The following TNF variants were observed in gnomAD, a reference collection of about 807,000 sequenced individuals.
The protein encoded by TNF is APC1 protein.
Under a neutral mutation model 21.8 loss-of-function variants are expected in TNF, and 7 were observed. That is an observed-to-expected ratio of 0.32 (90% CI 0.18 to 0.60). The LOEUF (loss-of-function observed/expected upper bound fraction) is 0.60, where lower values mean the gene tolerates loss of function less well. Among genes scored for constraint, TNF ranks in the 20% least tolerant of loss-of-function variants. The probability of loss-of-function intolerance (pLI) is 0.84; values close to 1 mark genes in which losing one functional copy is unlikely to be tolerated. For missense variants in TNF, 216 were observed against 296.6 expected, an observed-to-expected ratio of 0.73 and a Z score of 2.00; for synonymous variants, 123 against 130.2, an observed-to-expected ratio of 0.94 and a Z score of 0.38.
Position 31,575,988 on chromosome 6 carries a change from A to T in TNF, c.186+61A>T. ...CCAAGGGGAAATGGAGACGCAAGAG[A>T]GGGAGAGAGATGGGATGGGTGAAAG... On this transcript the variant is annotated intron_variant, in intron 1 of 3. Coordinates refer to ENST00000449264, the MANE Select transcript of TNF (RefSeq NM_000594.4). This position sits in a 1 kb window ranked among gnomAD's most constrained non-coding sequence, Gnocchi z 6.2. The T allele has an allele frequency of 7.1e-7, 1 of 1,416,106 alleles. No homozygotes were observed. Among genetic ancestry groups the T allele is most frequent in the Non-Finnish European group, 9.3e-7 (1 of 1,075,182 alleles). The allele number at this position is 1,416,106 out of a possible 1,614,324, so 87.7% of individuals were successfully genotyped here. A position where few individuals can be genotyped will look rare whatever the true frequency, so the allele number is the denominator to read the frequency against.
rs1412562754 is a variant in TNF at position 31,578,013 on chromosome 6, A to G, written c.*476A>G. ...TTGCACTTGTGATTATTTATTATTT[A>G]TTTATTATTTATTTATTTACAGATG... On this transcript the variant is annotated 3_prime_UTR_variant, in exon 4 of 4. Coordinates refer to ENST00000449264, the MANE Select transcript of TNF (RefSeq NM_000594.4). The surrounding 1 kb of genome is among the most constrained non-coding windows in gnomAD (Gnocchi z 6.0). 1 of 152,704 alleles carries G rather than the reference A, an allele frequency of 6.5e-6. No individual in the cohort carries two copies. The highest frequency in any genetic ancestry group is 1.5e-5 in the Non-Finnish European group (1 of 68,472). 9.5% of individuals were successfully genotyped at this position (152,704 alleles called of 1,614,324 possible). A position where few individuals can be genotyped will look rare whatever the true frequency, so the allele number is the denominator to read the frequency against.
Position 31,577,489 on chromosome 6 carries a change from C to T in TNF, c.654C>T (p.Leu218=), listed in dbSNP as rs769084971. The T allele has an allele frequency of 1.4e-5, 23 of 1,613,126 alleles. No homozygotes were observed. The highest frequency in any genetic ancestry group is 1.6e-4 in the Middle Eastern group (1 of 6,062). The change falls in exon 4 of 4, where the codon CTC becomes CTT. Residue 218 remains leucine, a synonymous_variant. Transcript: ENST00000449264. The surrounding 1 kb of genome is among the most constrained non-coding windows in gnomAD (Gnocchi z 7.7). ...CTGAGATCAATCGGCCCGACTATCT[C>T]GACTTTGCCGAGTCTGGGCAGGTCT... The part of the protein sequence containing the change: ...LSAEINRPDY[L]DFAESGQVYF...
Position 31,577,060 on chromosome 6 carries a change from G to A in TNF, c.281-56G>A. 3 of 1,550,704 alleles carry A rather than the reference G, an allele frequency of 1.9e-6. No individual in the cohort carries two copies. The highest frequency in any genetic ancestry group is 1.7e-6 in the Non-Finnish European group (2 of 1,150,020). ...GGCAGAGCTCGAGGGCCAGGATGTG[G>A]AGAGTGAACCGACATGGCCACACTG... On this transcript the variant is annotated intron_variant, in intron 3 of 3. Transcript: ENST00000449264. The surrounding 1 kb of genome is among the most constrained non-coding windows in gnomAD (Gnocchi z 7.7).
In TNF at chr6:31,575,719, C is replaced by A; in HGVS notation, c.-23C>A. 1 of 1,538,412 alleles carries A rather than the reference C, an allele frequency of 6.5e-7. No homozygotes were observed. ...TCACATACTGACCCACGGCTCCACCCTCTCTCCCCTGGAAAGGACACCATG... is the reference window on the plus strand; with the variant it reads ...TCACATACTGACCCACGGCTCCACCATCTCTCCCCTGGAAAGGACACCATG... On this transcript the variant is annotated 5_prime_UTR_variant, in exon 1 of 4. Coordinates refer to ENST00000449264, the MANE Select transcript of TNF (RefSeq NM_000594.4). The surrounding 1 kb of genome is among the most constrained non-coding windows in gnomAD (Gnocchi z 6.2).
Position 31,575,940 on chromosome 6 carries a change from C to T in TNF, c.186+13C>T. On this transcript the variant is annotated intron_variant, in intron 1 of 3. Coordinates refer to ENST00000449264, the MANE Select transcript of TNF (RefSeq NM_000594.4). This position sits in a 1 kb window ranked among gnomAD's most constrained non-coding sequence, Gnocchi z 6.2. Reference sequence around the variant, plus strand: ...CCAGAGGGAAGAGGTGAGTGCCTGGCCAGCCTTCATCCACTCTCCCACCCA... The same window carrying T: ...CCAGAGGGAAGAGGTGAGTGCCTGGTCAGCCTTCATCCACTCTCCCACCCA... 2.0e-6 allele frequency: 3 copies of T among 1,507,920 alleles called. No homozygotes were observed. The highest frequency in any genetic ancestry group is 2.1e-5 in the Admixed American group (1 of 46,790). The allele number at this position is 1,507,920 out of a possible 1,614,324, so 93.4% of individuals were successfully genotyped here. A position where few individuals can be genotyped will look rare whatever the true frequency, so the allele number is the denominator to read the frequency against.
rs1771271520 is a variant in TNF, at chr6:31,578,000, T to C, written c.*463T>C. 1 of 153,944 alleles carries C rather than the reference T, an allele frequency of 6.5e-6. No individual in the cohort carries two copies. The highest frequency in any genetic ancestry group is 1.4e-5 in the Non-Finnish European group (1 of 69,340). The allele number at this position is 153,944 out of a possible 1,614,324, so 9.5% of individuals were successfully genotyped here. On this transcript the variant is annotated 3_prime_UTR_variant, in exon 4 of 4. Transcript: ENST00000449264. The surrounding 1 kb of genome is among the most constrained non-coding windows in gnomAD (Gnocchi z 7.7). ...CCTCTATTTATGTTTGCACTTGTGA[T>C]TATTTATTATTTATTTATTATTTAT...
At chr6:31,576,953 G>A (rs377532354) in intron 3 of TNF, 139 bp downstream of exon 3, 1 of 1,336,922 alleles carries the variant, frequency 7.5e-7, no homozygotes, top group South Asian at 1.2e-5. Context: ...AACAGCACAG[G>A]CCTTAGTGGG....
rs972350853 is a variant in TNF at position 31,576,567 on chromosome 6, G to A, written c.220G>A (p.Ala74Thr). The A allele has an allele frequency of 1.9e-6, 3 of 1,613,732 alleles. No individual in the cohort carries two copies. The highest frequency in any genetic ancestry group is 3.3e-5 in the Admixed American group (2 of 60,000). Reference protein sequence around the residue: ...PRDLSLISPLAQAVRSSSRTP... With the variant: ...PRDLSLISPLTQAVRSSSRTP... ...GGACCTCTCTCTAATCAGCCCTCTG[G>A]CCCAGGCAGTCAGTAAGTGTCTCCA... Residue 74 changes from alanine to threonine, a missense_variant, in exon 2 of 4, where the codon GCC becomes ACC. Physicochemically the swap from Ala to Thr is moderately conservative, Grantham distance 58. This residue lies in a region of TNF where 118 missense variants were observed against 127.1 expected (regional missense o/e 0.93). Coordinates refer to ENST00000449264, the MANE Select transcript of TNF (RefSeq NM_000594.4).
chr6:31,577,883 A>C lies in TNF; in HGVS notation c.*346A>C. 2 of 412,986 alleles carry C rather than the reference A, an allele frequency of 4.8e-6. No homozygotes were observed. Among genetic ancestry groups the C allele is most frequent in the East Asian group, 4.6e-5 (1 of 21,748 alleles). The allele number at this position is 412,986 out of a possible 1,614,324, so 25.6% of individuals were successfully genotyped here. On this transcript the variant is annotated 3_prime_UTR_variant, in exon 4 of 4. Transcript: ENST00000449264. The surrounding 1 kb of genome is among the most constrained non-coding windows in gnomAD (Gnocchi z 7.7). Reference sequence around the variant, plus strand: ...GGACTTGAGAAGACCTCACCTAGAAATTGACACAAGTGGACCTTAGGCCTT... The same window carrying C: ...GGACTTGAGAAGACCTCACCTAGAACTTGACACAAGTGGACCTTAGGCCTT...
chr6:31,576,747 C>A lies in TNF; in HGVS notation c.233-20C>A. 1 of 1,613,018 alleles carries A rather than the reference C, an allele frequency of 6.2e-7. No individual in the cohort carries two copies. Among genetic ancestry groups the A allele is most frequent in the African/African-American group, 1.3e-5 (1 of 74,988 alleles). The stretch of plus-strand genomic sequence containing the variant: ...GGAAGTTTAAGGGTCTCAGCTTTTT[C>A]TTTTCTCTCTCCTCTTCAGGATCAT... On this transcript the variant is annotated intron_variant, in intron 2 of 3. Transcript: ENST00000449264.
At chr6:31,576,842 A>T in intron 3 of TNF, 28 bp downstream of exon 3, 1 of 1,612,596 alleles carries the variant, frequency 6.2e-7, no homozygotes, top group Admixed American at 1.7e-5. Context: ...GTGTCTTGGA[A>T]CTTGGAGGGC....
rs1044801984 is a variant in TNF, at chr6:31,577,792, A to T, written c.*255A>T. 1 of 588,696 alleles carries T rather than the reference A, an allele frequency of 1.7e-6. No homozygotes were observed. Among genetic ancestry groups the T allele is most frequent in the Non-Finnish European group, 3.0e-6 (1 of 328,908 alleles). 36.5% of individuals were successfully genotyped at this position (588,696 alleles called of 1,614,324 possible). A position where few individuals can be genotyped will look rare whatever the true frequency, so the allele number is the denominator to read the frequency against. ...GCCTCCAGAACTCACTGGGGCCTAC[A>T]GCTTTGATCCCTGACATCTGGAATC... On this transcript the variant is annotated 3_prime_UTR_variant, in exon 4 of 4. Coordinates refer to ENST00000449264, the MANE Select transcript of TNF (RefSeq NM_000594.4). The surrounding 1 kb of genome is among the most constrained non-coding windows in gnomAD (Gnocchi z 7.7).
In TNF at chr6:31,577,549, A is replaced by G. The variant is rs1214395614; in HGVS notation, c.*12A>G. The G allele has an allele frequency of 2.5e-6, 4 of 1,613,022 alleles. No homozygotes were observed. The highest frequency in any genetic ancestry group is 3.4e-6 in the Non-Finnish European group (4 of 1,180,028). Reference sequence around the variant, plus strand: ...TCATTGCCCTGTGAGGAGGACGAACATCCAACCTTCCCAAACGCCTCCCCT... The same window carrying G: ...TCATTGCCCTGTGAGGAGGACGAACGTCCAACCTTCCCAAACGCCTCCCCT... On this transcript the variant is annotated 3_prime_UTR_variant, in exon 4 of 4. Transcript: ENST00000449264. The surrounding 1 kb of genome is among the most constrained non-coding windows in gnomAD (Gnocchi z 7.7).
intron 2 of TNF, 67 bp downstream of exon 2, chr6:31,576,646 G>A: frequency 1.3e-6 from 2 of 1,598,664 alleles, no homozygotes; most frequent in South Asian, 2.2e-5. Flanking sequence ...GTACCGGTAT[G>A]GAAGCAGTGG....
intron 1 of TNF, 31 bp from the exon 2 acceptor site, chr6:31,576,503 C>T (rs781640653): frequency 2.5e-6 from 4 of 1,611,260 alleles, no homozygotes; most frequent in Middle Eastern, 1.7e-4. Context: ...GTGACTCCCT[C>T]GATGTTAACC....
At position 31,576,546 on chromosome 6, in the gene TNF, C is replaced by G; in HGVS notation, c.199C>G (p.Leu67Val). The change falls in exon 2 of 4, where the codon CTC becomes GTC. Residue 67 changes from leucine to valine, a missense_variant. Around this residue, in one of 2 missense-constraint regions of TNF, gnomAD observed 118 missense variants for 127.1 expected, o/e 0.93. Transcript: ENST00000449264. ...TTCTCCCCAACAGTTCCCCAGGGAC[C>G]TCTCTCTAATCAGCCCTCTGGCCCA... ...GPQREEFPRD[L>V]SLISPLAQAV... 1.2e-6 allele frequency: 2 copies of G among 1,613,896 alleles called. No homozygotes were observed. Among genetic ancestry groups the G allele is most frequent in the Non-Finnish European group, 8.5e-7 (1 of 1,179,980 alleles).
At position 31,575,981 on chromosome 6, in the gene TNF, G is replaced by C. The variant is rs3093661; in HGVS notation, c.186+54G>C. ...CTCCCACCCAAGGGGAAATGGAGAC[G>C]CAAGAGAGGGAGAGAGATGGGATGG... On this transcript the variant is annotated intron_variant, in intron 1 of 3. Transcript: ENST00000449264. The surrounding 1 kb of genome is among the most constrained non-coding windows in gnomAD (Gnocchi z 6.2). 1 of 1,423,606 alleles carries C rather than the reference G, an allele frequency of 7.0e-7. No individual in the cohort carries two copies. 88.2% of individuals were successfully genotyped at this position (1,423,606 alleles called of 1,614,324 possible).
rs1771215681 is a variant in TNF, at chr6:31,577,069, C to A, written c.281-47C>A. On this transcript the variant is annotated intron_variant, in intron 3 of 3. Transcript: ENST00000449264. The surrounding 1 kb of genome is among the most constrained non-coding windows in gnomAD (Gnocchi z 7.7). ...CGAGGGCCAGGATGTGGAGAGTGAA[C>A]CGACATGGCCACACTGACTCTCCTC... 1 of 1,554,184 alleles carries A rather than the reference C, an allele frequency of 6.4e-7. No individual in the cohort carries two copies. The highest frequency in any genetic ancestry group is 8.7e-7 in the Non-Finnish European group (1 of 1,152,030).
Position 31,577,045 on chromosome 6 carries a change from G to A in TNF, c.281-71G>A, listed in dbSNP as rs941582023. 26 of 1,534,992 alleles carry A rather than the reference G, an allele frequency of 1.7e-5. No individual in the cohort carries two copies. In the African/African-American group the frequency reaches 2.9e-4, roughly 17 times the overall value. On this transcript the variant is annotated intron_variant, in intron 3 of 3. Transcript: ENST00000449264. This position sits in a 1 kb window ranked among gnomAD's most constrained non-coding sequence, Gnocchi z 7.7. ...ACCGGATGTGGGGTGGGCAGAGCTC[G>A]AGGGCCAGGATGTGGAGAGTGAACC...
Sources: allele counts gnomAD v4.1 joint callset, GRCh38; gene constraint gnomAD v4.1.1; regional missense constraint gnomAD v4.1.1; non-coding constraint Gnocchi (gnomAD v3.1); transcripts MANE v1.5; gene names NCBI Gene and HGNC (gene_info 2026-07-23, HGNC 2026-07-21).